Variants in AXDND1 observed in about 807,000 individuals in gnomAD.
AXDND1 encodes the protein axonemal dynein light chain domain containing 1, also known as axonemal dynein light chain domain-containing protein 1.
In AXDND1, 110 loss-of-function variants were observed where a neutral mutation model predicts 137.5. The observed-to-expected ratio is 0.80, with a 90% confidence interval of 0.69 to 0.94. The LOEUF (loss-of-function observed/expected upper bound fraction) is 0.94, where lower values mean the gene tolerates loss of function less well. Ranked by LOEUF, AXDND1 falls within the 40% of genes least tolerant of loss-of-function variation. The probability of loss-of-function intolerance (pLI) is 0.00; values close to 1 mark genes in which losing one functional copy is unlikely to be tolerated. For synonymous variants in AXDND1, 414 were observed against 399.7 expected, an observed-to-expected ratio of 1.04 and a Z score of -0.43; for missense variants, 1,191 against 1,169.8, an observed-to-expected ratio of 1.02 and a Z score of -0.26.
At chr1:179,492,449 ACAAC>A (rs146509651) in intron 19 of AXDND1, among the ~76,000 whole-genome samples, 69,361 of 146,718 alleles carry the variant, frequency 0.47, 16,360 homozygotes, top group East Asian at 0.72. Context: ...AAAAAAAAAA[ACAAC>A]AACCCACAAA....
chr1:179,533,329 A>G, intron 23 of AXDND1, among the ~76,000 whole-genome samples: 1 of 152,038 alleles, frequency 6.6e-6, no homozygotes, highest in South Asian at 2.1e-4. Flanking sequence ...TCTTTAACTG[A>G]TATTTATGAA....
intron 21 of AXDND1, among the ~76,000 whole-genome samples, chr1:179,520,532 C>T (rs1284599607): frequency 6.6e-6 from 1 of 152,084 alleles, no homozygotes; most frequent in Non-Finnish European, 1.5e-5. Flanking sequence ...CCTGCCTCAG[C>T]CTCCAGAGTA....
In AXDND1 at chr1:179,554,559, T is replaced by G; in HGVS notation, c.*40T>G. 1 of 1,614,124 alleles carries G rather than the reference T, an allele frequency of 6.2e-7. No homozygotes were observed. The highest frequency in any genetic ancestry group is 8.5e-7 in the Non-Finnish European group (1 of 1,179,986). ...GTGGAAAGAAGAATTCAGATGTCAG[T>G]GGGAGCCTCCAGGTGGGAGGAGAGC... On this transcript the variant is annotated 3_prime_UTR_variant, in exon 26 of 26. Transcript: ENST00000367618.
intron 15 of AXDND1, among the ~76,000 whole-genome samples, chr1:179,442,428 C>A (rs1483961146): frequency 6.6e-6 from 1 of 152,158 alleles, no homozygotes; most frequent in Non-Finnish European, 1.5e-5. Context: ...CTGTTTTAAT[C>A]CTTCTCCTGC....
chr1:179,518,066 G>T (rs1437374229), intron 21 of AXDND1, among the ~76,000 whole-genome samples: 1 of 152,182 alleles, frequency 6.6e-6, no homozygotes, highest in Admixed American at 6.5e-5. Context: ...AAGTGACAGA[G>T]AACTACTTTC....
intron 17 of AXDND1, among the ~76,000 whole-genome samples, chr1:179,468,932 A>ATTT (rs34177524): frequency 6.9e-6 from 1 of 145,812 alleles, no homozygotes. Context: ...GTTATGAACA[A>ATTT]TTTTTTTTTT....
intron 25 of AXDND1, chr1:179,548,572 C>T (rs1054630038): frequency 1.3e-5 from 2 of 152,148 alleles, no homozygotes; most frequent in Non-Finnish European, 2.9e-5. Context: ...ATGCTCAGCT[C>T]AGCTACCGTG....
At chr1:179,484,948 G>A (rs1665860873) in intron 18 of AXDND1, among the ~76,000 whole-genome samples, 1 of 151,676 alleles carries the variant, frequency 6.6e-6, no homozygotes, top group South Asian at 2.1e-4. Flanking sequence ...TGTGCCAACA[G>A]TGCTGCTGGC....
intron 6 of AXDND1, among the ~76,000 whole-genome samples, chr1:179,381,203 G>A (rs1648237926): frequency 6.6e-6 from 1 of 151,134 alleles, no homozygotes; most frequent in South Asian, 2.1e-4. Flanking sequence ...ACGGTGCCTG[G>A]CTAATTTTTT....
At chr1:179,408,272 T>G (rs1653286799) in intron 11 of AXDND1, among the ~76,000 whole-genome samples, 1 of 152,208 alleles carries the variant, frequency 6.6e-6, no homozygotes, top group African/African-American at 2.4e-5. Context: ...TAAATTTCCT[T>G]TCTGTTGAGA....
At chr1:179,436,537 G>T (rs571839860) in intron 15 of AXDND1, among the ~76,000 whole-genome samples, 3 of 152,246 alleles carry the variant, frequency 2.0e-5, no homozygotes, top group South Asian at 2.1e-4. Flanking sequence ...CATGTCCTTT[G>T]CAGGGACATG....
chr1:179,425,810 GT>G (rs199950108), intron 12 of AXDND1, among the ~76,000 whole-genome samples: 36,607 of 148,990 alleles, frequency 0.25, 4,639 homozygotes, highest in African/African-American at 0.28. Context: ...GTGTGTGTGT[GT>G]GTAAAGAGAG....
chr1:179,543,626 T>A (rs1036766786), intron 25 of AXDND1: 1 of 143,946 alleles, frequency 6.9e-6, no homozygotes, highest in Non-Finnish European at 1.5e-5. Context: ...CCATTTGAAT[T>A]TTTTTTCACC....
At chr1:179,433,572 C>G (rs1298711229) in intron 15 of AXDND1, among the ~76,000 whole-genome samples, 2 of 152,158 alleles carry the variant, frequency 1.3e-5, no homozygotes, top group East Asian at 3.8e-4. Context: ...TCTCTTTGTT[C>G]TCATTGGTTT....
upstream of AXDND1, chr1:179,365,745 C>G (rs1220819028): frequency 6.6e-6 from 1 of 152,446 alleles, no homozygotes; most frequent in East Asian, 1.9e-4. Flanking sequence ...GGCAGGAAGC[C>G]CCGGCGTGAG....
chr1:179,541,720 A>G (rs865786703), intron 25 of AXDND1, among the ~76,000 whole-genome samples: 1 of 138,892 alleles, frequency 7.2e-6, no homozygotes, highest in Non-Finnish European at 1.6e-5. Context: ...GCATGATAAT[A>G]TATGCATAAT....
At position 179,400,243 on chromosome 1, in the gene AXDND1, G is replaced by T. The variant is rs138607954; in HGVS notation, c.1109+5041G>T. Among the ~76,000 whole-genome samples the T allele has an allele frequency of 8.6e-3, 1,315 of 152,294 alleles. 41 individuals carry two copies. The highest frequency in any genetic ancestry group is 0.056 in the Admixed American group (848 of 15,278). ...TATATATATGATGGAATACCACTCA[G>T]CCATAAAAAGGAATGAATTAATGGC... On this transcript the variant is annotated intron_variant, in intron 11 of 25. Transcript: ENST00000367618.
chr1:179,465,733 A>C lies in AXDND1; in HGVS notation c.1799-2710A>C, dbSNP rs998514660. Among the ~76,000 whole-genome samples, 6 of 152,222 alleles carry C rather than the reference A, an allele frequency of 3.9e-5. No individual in the cohort carries two copies. The East Asian group carries it at 7.7e-4, about 20-fold the overall frequency. On this transcript the variant is annotated intron_variant, in intron 16 of 25. Transcript: ENST00000367618. ...CTGCCCCCAGAGATGGAGTCTGCAG[A>C]GGCAGGTGGGCCTCCTTGAGCTGTG...
At chr1:179,450,005 T>C (rs1374199404) in intron 16 of AXDND1, 3 of 136,796 alleles carry the variant, frequency 2.2e-5, no homozygotes, top group Admixed American at 7.4e-5. Context: ...TTTTTTTTTT[T>C]TTTTTTTTTT....
Sources: allele counts gnomAD v4.1 joint callset (sites outside exome capture counted in the v4.1 genomes callset), GRCh38; gene constraint gnomAD v4.1.1; transcripts MANE v1.5; gene names NCBI Gene and HGNC (gene_info 2026-07-23, HGNC 2026-07-21).